CMIP: variants seen among roughly 807,000 people sequenced by gnomAD.
The protein encoded by CMIP is c-Maf inducing protein, also known as C-Maf-inducing protein.
CMIP carries 13 observed loss-of-function variants against 97.3 expected under a neutral mutation model. That is an observed-to-expected ratio of 0.13 (90% CI 0.09 to 0.21). The LOEUF is 0.21. Among genes scored for constraint, CMIP ranks in the 10% least tolerant of loss-of-function variants. The pLI is 1.00. For missense variants in CMIP, 847 were observed against 1,024.9 expected (o/e 0.83, Z 2.37); for synonymous variants, 538 against 436.3 (o/e 1.23, Z -2.91).
chr16:81,566,547 C>T (rs531530182), intron 1 of CMIP, among the ~76,000 whole-genome samples: 12 of 152,336 alleles, frequency 7.9e-5, no homozygotes, highest in Non-Finnish European at 1.5e-4. Context: ...TCTGTTTCTT[C>T]ATATTCAAGG....
chr16:81,652,835 C>T lies in CMIP; in HGVS notation c.639+471C>T, dbSNP rs2092443358. ...AATCAGAAAATCCAGCCGCGGTTTG[C>T]AGCTGGTGCTACCTGATGCCACCCG... On this transcript the variant is annotated intron_variant, in intron 4 of 20. Coordinates refer to ENST00000537098, the MANE Select transcript of CMIP (RefSeq NM_198390.3). The surrounding 1 kb of genome is among the most constrained non-coding windows in gnomAD (Gnocchi z 5.2). Among the ~76,000 whole-genome samples, 1 of 152,174 alleles carries T rather than the reference C, an allele frequency of 6.6e-6. No homozygotes were observed. Among genetic ancestry groups the T allele is most frequent in the Non-Finnish European group, 1.5e-5 (1 of 68,036 alleles).
chr16:81,702,798 T>C, intron 17 of CMIP, 129 bp downstream of exon 17: 1 of 770,152 alleles, frequency 1.3e-6, no homozygotes, highest in Non-Finnish European at 2.3e-6. Flanking sequence ...GACCCCCTAG[T>C]ACTTAACACG....
intron 4 of CMIP, among the ~76,000 whole-genome samples, chr16:81,656,996 A>C (rs923077423): frequency 3.9e-5 from 6 of 152,268 alleles, no homozygotes; most frequent in African/African-American, 1.4e-4. Context: ...CAGGTTTTGC[A>C]TTCTCAGACT....
chr16:81,626,657 T>G lies in CMIP; in HGVS notation c.477+5731T>G, dbSNP rs540017151. On this transcript the variant is annotated intron_variant, in intron 3 of 20. Coordinates refer to ENST00000537098, the MANE Select transcript of CMIP (RefSeq NM_198390.3). ...GGCTTATGAGTGTGTGTGTGTGGTG[T>G]GTGGGGTGACTATTTGTGTGTATAT... 1.6e-3 allele frequency among the ~76,000 whole-genome samples: 230 copies of G among 146,996 alleles called. 1 individual carries two copies. The highest frequency in any genetic ancestry group is 5.4e-3 in the African/African-American group (213 of 39,466).
At chr16:81,697,466 T>A (rs1906867489) in intron 14 of CMIP, 1 of 152,210 alleles carries the variant, frequency 6.6e-6, no homozygotes, top group Admixed American at 6.5e-5. Flanking sequence ...CCAGCTCCAT[T>A]TACTGGTCAC....
intron 1 of CMIP, among the ~76,000 whole-genome samples, chr16:81,558,881 G>A (rs563644004): frequency 1.3e-4 from 20 of 152,306 alleles, no homozygotes; most frequent in African/African-American, 4.3e-4. Context: ...TCCCTTCAGC[G>A]TCACCTCCCC....
intron 12 of CMIP, 30 bp from the exon 13 acceptor site, chr16:81,693,409 C>T (rs2151083160): frequency 1.2e-6 from 2 of 1,604,606 alleles, no homozygotes; most frequent in African/African-American, 1.3e-5. Flanking sequence ...CAGACCCCGG[C>T]AGTAACTCCG....
intron 1 of CMIP, among the ~76,000 whole-genome samples, chr16:81,513,014 G>C (rs1270115133): frequency 6.6e-6 from 1 of 152,210 alleles, no homozygotes; most frequent in Non-Finnish European, 1.5e-5. Context: ...TGGGATTACA[G>C]GCGTGAGCCA....
intron 1 of CMIP, among the ~76,000 whole-genome samples, chr16:81,579,699 A>G (rs9924458): frequency 0.082 from 11,978 of 145,282 alleles, 1,037 homozygotes; most frequent in African/African-American, 0.21. Context: ...GATTTCATGT[A>G]AAAAAAGAGT....
rs760670742 is a variant in CMIP at position 81,652,405 on chromosome 16, T to C, written c.639+41T>C. ...TGGACCCCTTTACATTGTTTGCCTT[T>C]CCCTCCACCGATCACCGGCTCCATG... On this transcript the variant is annotated intron_variant, in intron 4 of 20. Transcript: ENST00000537098. The surrounding 1 kb of genome is among the most constrained non-coding windows in gnomAD (Gnocchi z 5.2). The C allele has an allele frequency of 3.9e-6, 6 of 1,548,088 alleles. No individual in the cohort carries two copies. Among genetic ancestry groups the C allele is most frequent in the Middle Eastern group, 2.3e-4 (1 of 4,420 alleles).
intron 1 of CMIP, among the ~76,000 whole-genome samples, chr16:81,493,525 C>T (rs1242120555): frequency 1.3e-5 from 2 of 152,328 alleles, no homozygotes; most frequent in East Asian, 1.9e-4. Context: ...GGGCTGTCCT[C>T]TTTATGGTGA....
At chr16:81,505,737 T>A (rs2089697213) in intron 1 of CMIP, among the ~76,000 whole-genome samples, 1 of 152,224 alleles carries the variant, frequency 6.6e-6, no homozygotes, top group Non-Finnish European at 1.5e-5. Flanking sequence ...ATGCCTGTAA[T>A]CCCAGCACTT....
intron 1 of CMIP, among the ~76,000 whole-genome samples, chr16:81,497,721 G>A (rs559325110): frequency 1.3e-5 from 2 of 152,362 alleles, no homozygotes; most frequent in South Asian, 4.1e-4. Flanking sequence ...CTGAATTGGT[G>A]CTAAAGGCTC....
At chr16:81,535,671 C>T (rs956488209) in intron 1 of CMIP, among the ~76,000 whole-genome samples, 6 of 151,930 alleles carry the variant, frequency 3.9e-5, no homozygotes, top group African/African-American at 1.5e-4. Flanking sequence ...TTGTAAGGTA[C>T]GTCCTCATTT....
At chr16:81,693,732 G>A (rs938808443) in intron 13 of CMIP, among the ~76,000 whole-genome samples, 2 of 152,212 alleles carry the variant, frequency 1.3e-5, no homozygotes, top group African/African-American at 2.4e-5. Context: ...GCCCGCAGCC[G>A]AGGCCTTGAT....
chr16:81,641,535 C>T (rs2092306935), intron 3 of CMIP, among the ~76,000 whole-genome samples: 1 of 152,194 alleles, frequency 6.6e-6, no homozygotes, highest in Admixed American at 6.5e-5. Context: ...GACACCAAGG[C>T]CAGCTTATCT....
intron 1 of CMIP, chr16:81,476,647 T>C (rs767329391): frequency 2.6e-6 from 1 of 389,378 alleles, no homozygotes; most frequent in African/African-American, 2.1e-5. Flanking sequence ...TTTAGTTTGC[T>C]TACTTTCTGT....
At chr16:81,653,266 G>A (rs1014646005) in intron 4 of CMIP, among the ~76,000 whole-genome samples, 4 of 151,912 alleles carry the variant, frequency 2.6e-5, no homozygotes, top group East Asian at 3.9e-4. Flanking sequence ...AGTCTCCCCC[G>A]TCAAGCTCCC....
In CMIP at chr16:81,499,610, C is replaced by G. The variant is rs550263957; in HGVS notation, c.300+54069C>G. Among the ~76,000 whole-genome samples the G allele has an allele frequency of 5.9e-5, 9 of 152,360 alleles. No individual in the cohort carries two copies. The East Asian group carries it at 1.7e-3, about 29-fold the overall frequency. The stretch of plus-strand genomic sequence containing the variant: ...CTGGCCCAGGACACGTGCCCCCATC[C>G]CAGCCTCCAAGAATCTGGGAATGTC... On this transcript the variant is annotated intron_variant, in intron 1 of 20. Coordinates refer to ENST00000537098, the MANE Select transcript of CMIP (RefSeq NM_198390.3).
Sources: allele counts gnomAD v4.1 joint callset (sites outside exome capture counted in the v4.1 genomes callset), GRCh38; gene constraint gnomAD v4.1.1; non-coding constraint Gnocchi (gnomAD v3.1); transcripts MANE v1.5; gene names NCBI Gene and HGNC (gene_info 2026-07-23, HGNC 2026-07-21).